FAM151B: variants seen among roughly 807,000 people sequenced by gnomAD.
FAM151B encodes protein FAM151B.
In FAM151B, 24 loss-of-function variants were observed where a neutral mutation model predicts 31.2. The observed-to-expected ratio is 0.77, with a 90% CI of 0.56 to 1.08. The LOEUF (loss-of-function observed/expected upper bound fraction) is 1.08, where lower values mean the gene tolerates loss of function less well. Ranked by LOEUF, FAM151B falls within the 50% of genes least tolerant of loss-of-function variation. The pLI is 0.00. For missense variants in FAM151B, 293 were observed against 328.6 expected, an observed-to-expected ratio of 0.89 and a Z score of 0.84; for synonymous variants, 105 against 111.4, an observed-to-expected ratio of 0.94 and a Z score of 0.36.
intron 2 of FAM151B, among the ~76,000 whole-genome samples, chr5:80,504,561 G>A (rs530192961): frequency 4.2e-5 from 5 of 117,962 alleles, no homozygotes; most frequent in South Asian, 5.4e-4. Flanking sequence ...TTGATCTGTC[G>A]CCAGGCTGGA....
chr5:80,521,466 A>G (rs531370176), intron 4 of FAM151B, among the ~76,000 whole-genome samples: 1 of 152,100 alleles, frequency 6.6e-6, no homozygotes, highest in Non-Finnish European at 1.5e-5. Context: ...TAAAATATAT[A>G]CATATATAGT....
chr5:80,509,132 A>G (rs1228496717), intron 2 of FAM151B, among the ~76,000 whole-genome samples: 2 of 151,216 alleles, frequency 1.3e-5, no homozygotes, highest in Non-Finnish European at 2.9e-5. Flanking sequence ...TGCCACCAGC[A>G]TGCCTGGCTA....
chr5:80,514,868 A>G (rs1029850885), intron 3 of FAM151B, among the ~76,000 whole-genome samples: 1 of 152,204 alleles, frequency 6.6e-6, no homozygotes, highest in Non-Finnish European at 1.5e-5. Context: ...TAGTGAATGA[A>G]TAGATGTATA....
At position 80,538,513 on chromosome 5, in the gene FAM151B, TTTCCTTCCTTCCTTCCTTCCTTCC is replaced by T. The variant is rs60106370; in HGVS notation, c.672-3123_672-3100del. On this transcript the variant is annotated intron_variant, in intron 5 of 5. Transcript: ENST00000282226. ...TTCCTTCCTTCCTTTCTTTTCTTTCTTTCCTTCCTTCCTTCCTTCCTTCCTTCCTTCCTTCCTTCCTTCCTTCCT... is the reference window on the plus strand; with the variant it reads ...TTCCTTCCTTCCTTTCTTTTCTTTCTTTCCTTCCTTCCTTCCTTCCTTCCT... Among the ~76,000 whole-genome samples the T allele has an allele frequency of 6.0e-3, 370 of 61,540 alleles. 12 individuals carry two copies. Among genetic ancestry groups the T allele is most frequent in the African/African-American group, 8.3e-3 (126 of 15,100 alleles). The allele number at this position is 61,540 out of a possible 152,430, so 40.4% of individuals were successfully genotyped here.
chr5:80,510,833 T>C (rs1744150857), intron 2 of FAM151B: 1 of 152,178 alleles, frequency 6.6e-6, no homozygotes, highest in South Asian at 2.1e-4. Flanking sequence ...GCTGATGAAA[T>C]TCTAGGAGCT....
At chr5:80,523,434 A>G (rs1044347660) in intron 5 of FAM151B, among the ~76,000 whole-genome samples, 1 of 152,200 alleles carries the variant, frequency 6.6e-6, no homozygotes, top group African/African-American at 2.4e-5. Flanking sequence ...ATTTCCTTGG[A>G]GAGAAATTTG....
chr5:80,507,369 G>T (rs1464295417), intron 2 of FAM151B, among the ~76,000 whole-genome samples: 2 of 151,928 alleles, frequency 1.3e-5, no homozygotes, highest in Non-Finnish European at 2.9e-5. Context: ...TACTTAACTT[G>T]GCTATTTTAT....
At chr5:80,526,691 T>G (rs1370861161) in intron 5 of FAM151B, among the ~76,000 whole-genome samples, 1 of 152,164 alleles carries the variant, frequency 6.6e-6, no homozygotes, top group Non-Finnish European at 1.5e-5. Context: ...TCAAATAATG[T>G]TAATTTTACC....
At chr5:80,538,448 C>CTTTCTCTTTCTTTGTTTCTTTCTT (rs1235874356) in intron 5 of FAM151B, among the ~76,000 whole-genome samples, 1 of 49,348 alleles carries the variant, frequency 2.0e-5, no homozygotes, top group Admixed American at 2.5e-4. Flanking sequence ...TTCTTTCTTT[C>CTTTCTCTTTCTTTGTTTCTTTCTT]TCTTTCTTTC....
intron 1 of FAM151B, among the ~76,000 whole-genome samples, chr5:80,493,057 A>G (rs1483330774): frequency 1.3e-5 from 2 of 152,244 alleles, no homozygotes; most frequent in East Asian, 1.9e-4. Context: ...CTAAGTTGTC[A>G]ATACAAAGGA....
chr5:80,538,513 T>TTTCCTTCCTTCCTTCCTTCC (rs60106370), intron 5 of FAM151B, among the ~76,000 whole-genome samples: 8 of 61,528 alleles, frequency 1.3e-4, no homozygotes, highest in Non-Finnish European at 1.9e-4. Context: ...CTTTTCTTTC[T>TTTCCTTCCTTCCTTCCTTCC]TTCCTTCCTT....
At chr5:80,501,520 G>A (rs542719387) in intron 1 of FAM151B, 3 of 388,400 alleles carry the variant, frequency 7.7e-6, no homozygotes, top group Non-Finnish European at 1.4e-5. Context: ...TGCAACATGA[G>A]GACTCCAGGT....
chr5:80,496,953 G>A (rs1743564449), intron 1 of FAM151B, among the ~76,000 whole-genome samples: 1 of 151,712 alleles, frequency 6.6e-6, no homozygotes, highest in African/African-American at 2.4e-5. Context: ...TGGGACTACA[G>A]ACGTGAGCCA....
chr5:80,521,975 A>G (rs1744740487), intron 4 of FAM151B, 28 bp from the exon 5 acceptor site: 1 of 1,503,108 alleles, frequency 6.7e-7, no homozygotes, highest in Non-Finnish European at 9.0e-7. Context: ...TCAATCAATA[A>G]AGTTAAATTT....
chr5:80,532,814 A>G (rs540352481), intron 5 of FAM151B, among the ~76,000 whole-genome samples: 1 of 152,302 alleles, frequency 6.6e-6, no homozygotes, highest in South Asian at 2.1e-4. Context: ...TCTGACCACA[A>G]TGGAATAAAA....
chr5:80,520,031 G>T (rs1744633256), intron 4 of FAM151B, 121 bp downstream of exon 4: 3 of 889,874 alleles, frequency 3.4e-6, no homozygotes, highest in East Asian at 5.3e-5. Context: ...GGAAAAAAAG[G>T]CCTGACCCTT....
chr5:80,510,532 A>T lies in FAM151B; in HGVS notation c.152-3072A>T, dbSNP rs571462202. On this transcript the variant is annotated intron_variant, in intron 2 of 5. Coordinates refer to ENST00000282226, the MANE Select transcript of FAM151B (RefSeq NM_205548.3). ...GTGGTGCCAATCATAATCCCAAAAG[A>T]CACAATCCCAAATGCCATATCCCAA... Among the ~76,000 whole-genome samples, 89 of 152,344 alleles carry T rather than the reference A, an allele frequency of 5.8e-4. 1 individual carries two copies. Among genetic ancestry groups the T allele is most frequent in the Non-Finnish European group, 1.2e-3 (79 of 68,028 alleles).
At chr5:80,498,223 T>C (rs752175157) in intron 1 of FAM151B, among the ~76,000 whole-genome samples, 2 of 152,198 alleles carry the variant, frequency 1.3e-5, no homozygotes, top group Non-Finnish European at 2.9e-5. Flanking sequence ...TGTTGCCATC[T>C]CAGTATGAAA....
intron 3 of FAM151B, among the ~76,000 whole-genome samples, chr5:80,518,416 A>G (rs1744560706): frequency 1.3e-5 from 2 of 152,196 alleles, no homozygotes; most frequent in Non-Finnish European, 2.9e-5. Flanking sequence ...GTTGCTTGCT[A>G]CGAAAAATGG....
Sources: gnomAD v4.1 joint callset for allele counts (sites outside exome capture counted in the v4.1 genomes callset) on GRCh38, gnomAD v4.1.1 for gene constraint, MANE v1.5 for transcripts, NCBI Gene and HGNC (gene_info 2026-07-23, HGNC 2026-07-21) for gene names.